The following SPOCK3 variants were observed in gnomAD, a reference collection of about 807,000 sequenced individuals.
The protein encoded by SPOCK3 is testican-3.
A neutral mutation model predicts 56.6 loss-of-function variants in SPOCK3; 30 were observed. The ratio of observed to expected loss-of-function variants is 0.53; its 90% CI spans 0.40 to 0.72. The LOEUF (loss-of-function observed/expected upper bound fraction) is 0.72, where lower values mean the gene tolerates loss of function less well. Among genes scored for constraint, SPOCK3 ranks in the 30% least tolerant of loss-of-function variants. The pLI, the probability that SPOCK3 is intolerant of heterozygous loss-of-function variation, is 0.00. For missense variants in SPOCK3, 527 were observed against 530.0 expected, an observed-to-expected ratio of 0.99 and a Z score of 0.06; for synonymous variants, 196 against 183.3, an observed-to-expected ratio of 1.07 and a Z score of -0.56.
intron 2 of SPOCK3, among the ~76,000 whole-genome samples, chr4:167,233,309 A>T (rs1737375303): frequency 6.6e-6 from 1 of 152,136 alleles, no homozygotes; most frequent in South Asian, 2.1e-4. Flanking sequence ...TAACTCTTTT[A>T]TCGCTGTCAC....
chr4:167,021,351 T>G (rs1363968021), intron 3 of SPOCK3, among the ~76,000 whole-genome samples: 2 of 152,044 alleles, frequency 1.3e-5, no homozygotes, highest in East Asian at 3.9e-4. Flanking sequence ...TCTTGCGAGT[T>G]AGTCCTGAAG....
intron 6 of SPOCK3, among the ~76,000 whole-genome samples, chr4:166,844,279 T>A (rs1560922660): frequency 6.6e-6 from 1 of 152,204 alleles, no homozygotes; most frequent in Admixed American, 6.5e-5. Context: ...TTAAATAGGG[T>A]ATGATATGCC....
intron 2 of SPOCK3, among the ~76,000 whole-genome samples, chr4:167,222,573 G>T (rs532138215): frequency 3.1e-4 from 41 of 132,356 alleles, no homozygotes; most frequent in African/African-American, 9.9e-4. Context: ...ACATGTTATA[G>T]ATTCATATAT....
intron 7 of SPOCK3, among the ~76,000 whole-genome samples, chr4:166,768,817 G>A (rs1472420922): frequency 1.3e-5 from 2 of 152,100 alleles, no homozygotes; most frequent in Non-Finnish European, 2.9e-5. Context: ...ATCACTTTCA[G>A]GTACACCAGT....
At chr4:166,902,801 C>T (rs114970968) in intron 5 of SPOCK3, among the ~76,000 whole-genome samples, 11,791 of 150,810 alleles carry the variant, frequency 0.078, 521 homozygotes, top group Middle Eastern at 0.1. Context: ...TAATTAAATG[C>T]TATTTGGCTC....
chr4:167,080,085 C>T (rs961348104), intron 2 of SPOCK3, among the ~76,000 whole-genome samples: 4 of 151,954 alleles, frequency 2.6e-5, no homozygotes, highest in Non-Finnish European at 5.9e-5. Flanking sequence ...GGCAAATTTG[C>T]CTTTAACAGA....
At chr4:166,972,522 A>G (rs1194435408) in intron 4 of SPOCK3, among the ~76,000 whole-genome samples, 2 of 152,172 alleles carry the variant, frequency 1.3e-5, no homozygotes. Context: ...AAAAGAAACA[A>G]CAAAAACAAT....
intron 6 of SPOCK3, among the ~76,000 whole-genome samples, chr4:166,846,548 C>T (rs185293497): frequency 1.6e-4 from 24 of 152,150 alleles, no homozygotes; most frequent in African/African-American, 5.5e-4. Flanking sequence ...ATTTGAGGCA[C>T]AAACCAAAAC....
At position 166,899,172 on chromosome 4, in the gene SPOCK3, G is replaced by A. The variant is rs551676705; in HGVS notation, c.475-9928C>T. On this transcript the variant is annotated intron_variant, in intron 5 of 10. Coordinates refer to ENST00000357545, the MANE Select transcript of SPOCK3 (RefSeq NM_001040159.2). ...ATCATCTTTCCTGACTTTCCTGCTTGTGGACAACAGATCTTGGTACTTGTT... is the reference window on the plus strand; with the variant it reads ...ATCATCTTTCCTGACTTTCCTGCTTATGGACAACAGATCTTGGTACTTGTT... Among the ~76,000 whole-genome samples, 9 of 151,790 alleles carry A rather than the reference G, an allele frequency of 5.9e-5. No individual in the cohort carries two copies. The East Asian group carries it at 1.8e-3, about 30-fold the overall frequency.
At chr4:167,046,608 A>G (rs1753757715) in intron 3 of SPOCK3, among the ~76,000 whole-genome samples, 1 of 150,652 alleles carries the variant, frequency 6.6e-6, no homozygotes, top group Non-Finnish European at 1.5e-5. Flanking sequence ...GGTGTGCATC[A>G]CCACACCCAG....
chr4:167,223,167 GAATA>G lies in SPOCK3; in HGVS notation c.189+10814_189+10817del, dbSNP rs1355513388. Among the ~76,000 whole-genome samples, 65 of 120,336 alleles carry G rather than the reference GAATA, an allele frequency of 5.4e-4. 1 individual carries two copies. Among genetic ancestry groups the G allele is most frequent in the Admixed American group, 1.6e-3 (17 of 10,866 alleles). 78.9% of individuals were successfully genotyped at this position (120,336 alleles called of 152,430 possible). Reference sequence around the variant, plus strand: ...ATATATGAATATATATTTTATATATGAATATATAATATATATTTTATATATGAAT... The same window carrying G: ...ATATATGAATATATATTTTATATATGTATAATATATATTTTATATATGAAT... On this transcript the variant is annotated intron_variant, in intron 2 of 10. Transcript: ENST00000357545.
At chr4:166,813,015 G>A (rs1201466072) in intron 6 of SPOCK3, among the ~76,000 whole-genome samples, 1 of 151,738 alleles carries the variant, frequency 6.6e-6, no homozygotes. Flanking sequence ...CCATTTCATT[G>A]CATAATTAAC....
intron 2 of SPOCK3, among the ~76,000 whole-genome samples, chr4:167,094,409 T>C (rs528698656): frequency 6.6e-6 from 1 of 152,158 alleles, no homozygotes; most frequent in African/African-American, 2.4e-5. Context: ...ACATATAAAA[T>C]AAGTATATAC....
intron 6 of SPOCK3, among the ~76,000 whole-genome samples, chr4:166,824,438 T>C (rs941956276): frequency 2.0e-5 from 3 of 152,104 alleles, no homozygotes; most frequent in African/African-American, 7.2e-5. Context: ...CTCTCTCTAG[T>C]ATGATAATAT....
chr4:167,162,717 C>T (rs1179847738), intron 2 of SPOCK3, among the ~76,000 whole-genome samples: 2 of 151,996 alleles, frequency 1.3e-5, no homozygotes, highest in Non-Finnish European at 2.9e-5. Flanking sequence ...AATTCTGCCT[C>T]CCCTATCATG....
intron 6 of SPOCK3, among the ~76,000 whole-genome samples, chr4:166,838,415 CTATCTT>C (rs1031076109): frequency 2.1e-4 from 32 of 152,028 alleles, no homozygotes; most frequent in African/African-American, 7.5e-4. Context: ...TTTTATTACT[CTATCTT>C]TAAGTTCACT....
chr4:166,790,517 A>G (rs948799532), intron 7 of SPOCK3, among the ~76,000 whole-genome samples: 1 of 152,148 alleles, frequency 6.6e-6, no homozygotes, highest in Non-Finnish European at 1.5e-5. Context: ...CAAGCAGTAT[A>G]CATAATCCTG....
intron 7 of SPOCK3, among the ~76,000 whole-genome samples, chr4:166,785,621 T>C (rs2126632879): frequency 6.6e-6 from 1 of 151,632 alleles, no homozygotes; most frequent in Admixed American, 6.6e-5. Flanking sequence ...GTTGATTTGA[T>C]GGTATGTGAA....
Position 166,877,542 on chromosome 4 carries a change from A to G in SPOCK3, c.589+11588T>C, listed in dbSNP as rs377569243. 4.1e-4 allele frequency among the ~76,000 whole-genome samples: 62 copies of G among 152,312 alleles called. 1 individual carries two copies. In the South Asian group the frequency reaches 8.5e-3, roughly 21 times the overall value. On this transcript the variant is annotated intron_variant, in intron 6 of 10. Coordinates refer to ENST00000357545, the MANE Select transcript of SPOCK3 (RefSeq NM_001040159.2). ...TTTAAATCAAGTGCTATTAAATACT[A>G]GATCTTTGGTAGGGATAGAAGAAAA...
Sources: gnomAD v4.1 joint callset for allele counts (sites outside exome capture counted in the v4.1 genomes callset) on GRCh38, gnomAD v4.1.1 for gene constraint, MANE v1.5 for transcripts, NCBI Gene and HGNC (gene_info 2026-07-23, HGNC 2026-07-21) for gene names.